CPQ: variants seen among roughly 807,000 people sequenced by gnomAD.
CPQ encodes the protein Ser-Met dipeptidase.
In CPQ, 37 loss-of-function variants were observed where a neutral mutation model predicts 45.7. That is an observed-to-expected ratio of 0.81 (90% CI 0.62 to 1.07). The LOEUF is 1.07. Ranked by LOEUF, CPQ falls within the 50% of genes least tolerant of loss-of-function variation. The pLI is 0.00. For missense variants in CPQ, 537 were observed against 572.9 expected (o/e 0.94, Z 0.64); for synonymous variants, 186 against 205.8 (o/e 0.90, Z 0.82).
intron 7 of CPQ, among the ~76,000 whole-genome samples, chr8:97,136,300 C>T (rs1435369075): frequency 1.3e-5 from 2 of 152,098 alleles, no homozygotes; most frequent in Non-Finnish European, 2.9e-5. Context: ...CTTTAAAAAG[C>T]GATCGTCACA....
chr8:97,106,422 C>G (rs1811404764), intron 7 of CPQ, among the ~76,000 whole-genome samples: 1 of 152,198 alleles, frequency 6.6e-6, no homozygotes, highest in Non-Finnish European at 1.5e-5. Context: ...TATTGAGCAC[C>G]TACTATGTGT....
intron 6 of CPQ, among the ~76,000 whole-genome samples, chr8:97,044,781 G>A (rs894107369): frequency 3.3e-5 from 5 of 152,178 alleles, no homozygotes; most frequent in Non-Finnish European, 5.9e-5. Flanking sequence ...TATCAGCAGC[G>A]GTGGCTGCAG....
At chr8:96,910,371 C>G (rs928497148) in intron 4 of CPQ, among the ~76,000 whole-genome samples, 1 of 152,138 alleles carries the variant, frequency 6.6e-6, no homozygotes, top group Non-Finnish European at 1.5e-5. Flanking sequence ...CACCATTGTA[C>G]AAGGATATGT....
At chr8:96,689,185 A>G (rs1809272513) in intron 1 of CPQ, among the ~76,000 whole-genome samples, 1 of 152,206 alleles carries the variant, frequency 6.6e-6, no homozygotes, top group Admixed American at 6.5e-5. Flanking sequence ...TGCTAATCAC[A>G]AATCATTCTG....
intron 4 of CPQ, among the ~76,000 whole-genome samples, chr8:96,893,691 A>G (rs1029779132): frequency 1.3e-5 from 2 of 152,216 alleles, no homozygotes; most frequent in East Asian, 1.9e-4. Flanking sequence ...GTGGTTCTCT[A>G]TAACTTGCTG....
intron 4 of CPQ, among the ~76,000 whole-genome samples, chr8:96,900,030 CT>C (rs1418082859): frequency 6.6e-6 from 1 of 152,096 alleles, no homozygotes; most frequent in Non-Finnish European, 1.5e-5. Context: ...TTCCTGGTAC[CT>C]TTTCTTTCTG....
At chr8:97,141,934 A>G (rs955574993) in intron 7 of CPQ, among the ~76,000 whole-genome samples, 1 of 152,190 alleles carries the variant, frequency 6.6e-6, no homozygotes, top group Non-Finnish European at 1.5e-5. Context: ...TGTTATATAT[A>G]GTCATATACA....
At chr8:97,030,623 ACAT>A (rs1039569905) in intron 6 of CPQ, among the ~76,000 whole-genome samples, 2 of 152,206 alleles carry the variant, frequency 1.3e-5, no homozygotes, top group African/African-American at 4.8e-5. Flanking sequence ...GTAGACCACA[ACAT>A]CATATAAGGG....
chr8:97,042,275 A>T (rs1441409814), intron 6 of CPQ, among the ~76,000 whole-genome samples: 1,833 of 149,888 alleles, frequency 0.012, 39 homozygotes, highest in African/African-American at 0.042. Context: ...ATTTGCGTAA[A>T]GGTGTTTGTA....
rs115386808 is a variant in CPQ at position 97,010,270 on chromosome 8, A to G, written c.962-19133A>G. ...TATGTCAGAGAATGGTCTCAACGTA[A>G]GGGGGTCTGAGTCAGGGTGGTCTAG... On this transcript the variant is annotated intron_variant, in intron 5 of 7. Coordinates refer to ENST00000220763, the MANE Select transcript of CPQ (RefSeq NM_016134.4). Among the ~76,000 whole-genome samples, 341 of 152,258 alleles carry G rather than the reference A, an allele frequency of 2.2e-3. 3 individuals carry two copies. Among genetic ancestry groups the G allele is most frequent in the African/African-American group, 8.0e-3 (331 of 41,552 alleles).
chr8:97,050,738 C>T (rs895281617), intron 6 of CPQ, among the ~76,000 whole-genome samples: 1 of 152,038 alleles, frequency 6.6e-6, no homozygotes, highest in African/African-American at 2.4e-5. Context: ...CCTTTTGGTC[C>T]TGATTTGCTT....
chr8:96,751,245 T>A (rs1045538122), intron 1 of CPQ, among the ~76,000 whole-genome samples: 2 of 152,224 alleles, frequency 1.3e-5, no homozygotes, highest in Non-Finnish European at 2.9e-5. Context: ...TAATTTACAC[T>A]CCCACCAACA....
intron 7 of CPQ, among the ~76,000 whole-genome samples, chr8:97,078,019 A>G (rs1404117153): frequency 6.6e-6 from 1 of 152,212 alleles, no homozygotes; most frequent in Non-Finnish European, 1.5e-5. Context: ...TTTGTTTACT[A>G]GTATCACCCA....
chr8:97,033,160 C>CG (rs1347256896), intron 6 of CPQ, among the ~76,000 whole-genome samples: 5 of 109,946 alleles, frequency 4.5e-5, no homozygotes, highest in Non-Finnish European at 9.1e-5. Flanking sequence ...ACTTTTATGG[C>CG]GGGGGTGGGG....
At chr8:96,701,745 A>G (rs1415356124) in intron 1 of CPQ, among the ~76,000 whole-genome samples, 6 of 152,178 alleles carry the variant, frequency 3.9e-5, no homozygotes, top group Non-Finnish European at 8.8e-5. Flanking sequence ...CTGGCCCTGC[A>G]AAGTTTGGCA....
chr8:97,078,805 CT>C (rs1810897640), intron 7 of CPQ, among the ~76,000 whole-genome samples: 1 of 143,064 alleles, frequency 7.0e-6, no homozygotes. Flanking sequence ...CTCTCTCTCT[CT>C]CCCTCTCTCC....
chr8:97,131,382 A>G (rs1348150284), intron 7 of CPQ, among the ~76,000 whole-genome samples: 1 of 152,158 alleles, frequency 6.6e-6, no homozygotes, highest in African/African-American at 2.4e-5. Flanking sequence ...TTCACATGAC[A>G]CCGTCTTCAT....
At position 96,877,620 on chromosome 8, in the gene CPQ, A is replaced by G. The variant is rs142047543; in HGVS notation, c.642-2178A>G. On this transcript the variant is annotated intron_variant, in intron 3 of 7. Transcript: ENST00000220763. ...TAACACCAAAGAAGTAATAACAACT[A>G]ATTTTTACTAAGTAATTACTATGTG... Among the ~76,000 whole-genome samples, 15 of 152,376 alleles carry G rather than the reference A, an allele frequency of 9.8e-5. No individual in the cohort carries two copies. In the East Asian group the frequency reaches 2.9e-3, roughly 29 times the overall value.
chr8:96,689,334 G>T (rs1420483775), intron 1 of CPQ, among the ~76,000 whole-genome samples: 1 of 152,066 alleles, frequency 6.6e-6, no homozygotes, highest in Non-Finnish European at 1.5e-5. Flanking sequence ...CAATTTTCTT[G>T]CCCCCTTGCT....
Sources: allele counts gnomAD v4.1 joint callset (sites outside exome capture counted in the v4.1 genomes callset), GRCh38; gene constraint gnomAD v4.1.1; transcripts MANE v1.5; gene names NCBI Gene and HGNC (gene_info 2026-07-23, HGNC 2026-07-21).